PFKFB3: variants seen among roughly 807,000 people sequenced by gnomAD.
PFKFB3 encodes the protein 6-phosphofructo-2-kinase/fructose-2,6-bisphosphatase 3.
A neutral mutation model predicts 68.0 loss-of-function variants in PFKFB3; 33 were observed. That is an observed-to-expected ratio of 0.49 (90% CI 0.37 to 0.65). The LOEUF (loss-of-function observed/expected upper bound fraction) is 0.65. PFKFB3 is among the 30% of genes least tolerant of loss of function. The pLI is 0.00. For missense variants in PFKFB3, 586 were observed against 712.2 expected (o/e 0.82, Z 2.02); for synonymous variants, 315 against 288.2 (o/e 1.09, Z -0.94).
chr10:6,192,094 C>A (rs1312991084), intron 1 of PFKFB3, among the ~76,000 whole-genome samples: 2 of 150,728 alleles, frequency 1.3e-5, no homozygotes, highest in Non-Finnish European at 2.9e-5. Flanking sequence ...TGTGATTTGG[C>A]CTTCACTCCT....
At chr10:6,317,868 G>A in the PFKFB3 span, among the ~76,000 whole-genome samples, 3 of 152,334 alleles carry the variant, frequency 2.0e-5, no homozygotes, top group Non-Finnish European at 2.9e-5. Context: ...GCAATTGTGC[G>A]CAAAGACTGC....
At chr10:6,171,104 A>G (rs914957270) in intron 1 of PFKFB3, among the ~76,000 whole-genome samples, 1 of 152,024 alleles carries the variant, frequency 6.6e-6, no homozygotes, top group East Asian at 1.9e-4. Context: ...CAATGGTGCA[A>G]TGGCGTGTTC....
chr10:6,221,811 C>A, intron 10 of PFKFB3, 66 bp downstream of exon 10: 2 of 1,113,832 alleles, frequency 1.8e-6, no homozygotes, highest in South Asian at 1.4e-5. Context: ...CAGGGCTGGG[C>A]CACCCCTCCA....
intron 1 of PFKFB3, among the ~76,000 whole-genome samples, chr10:6,185,050 C>T (rs769906197): frequency 5.3e-5 from 8 of 152,150 alleles, no homozygotes; most frequent in Non-Finnish European, 1.2e-4. Flanking sequence ...TTATTGAAAC[C>T]CGACACAAAA....
At chr10:6,192,786 A>T (rs1843069346) in intron 1 of PFKFB3, among the ~76,000 whole-genome samples, 1 of 151,764 alleles carries the variant, frequency 6.6e-6, no homozygotes, top group Non-Finnish European at 1.5e-5. Context: ...GATCAGAGGG[A>T]ATCTATTCAG....
intron 1 of PFKFB3, among the ~76,000 whole-genome samples, chr10:6,167,325 T>C (rs1842174139): frequency 6.6e-6 from 1 of 152,242 alleles, no homozygotes; most frequent in Admixed American, 6.5e-5. Flanking sequence ...CTCATTCAGC[T>C]CTGCGGTCCT....
At chr10:6,226,546 T>C in intron 14 of PFKFB3, 181 bp downstream of exon 14, 2 of 589,052 alleles carry the variant, frequency 3.4e-6, no homozygotes, top group East Asian at 3.2e-5. Context: ...CACTCACGTG[T>C]TGAGGGAGAA....
intron 14 of PFKFB3, chr10:6,231,197 T>G (rs1380822932): frequency 1.7e-6 from 2 of 1,154,248 alleles, no homozygotes; most frequent in Non-Finnish European, 2.6e-6. Flanking sequence ...AAAATCCTAC[T>G]AAAGATTTTC....
the PFKFB3 span, among the ~76,000 whole-genome samples, chr10:6,321,088 A>G: frequency 6.6e-6 from 1 of 152,186 alleles, no homozygotes; most frequent in Non-Finnish European, 1.5e-5. Context: ...ATTTAAATGT[A>G]AAGTTGACCT....
downstream of PFKFB3, among the ~76,000 whole-genome samples, chr10:6,259,213 A>T (rs1319488198): frequency 2.0e-5 from 3 of 149,698 alleles, no homozygotes; most frequent in African/African-American, 7.5e-5. Flanking sequence ...CCATCCATCC[A>T]TCCATCCACC....
intron 1 of PFKFB3, among the ~76,000 whole-genome samples, chr10:6,177,592 C>G (rs868364600): frequency 2.0e-5 from 3 of 148,450 alleles, no homozygotes; most frequent in African/African-American, 7.5e-5. Context: ...ATGGTGCGAT[C>G]TCGGCTCACT....
At position 6,225,706 on chromosome 10, in the gene PFKFB3, A is replaced by T. The variant is rs573164820; in HGVS notation, c.1342-486A>T. ...TTTGCAGCCTCCGTGCCCCATCCTA[A>T]GCCAGGGTGCCCTTTGTGTAGTAGA... On this transcript the variant is annotated intron_variant, in intron 13 of 14. Transcript: ENST00000379775. Among the ~76,000 whole-genome samples the T allele has an allele frequency of 5.8e-5, 8 of 137,508 alleles. No individual in the cohort carries two copies. The East Asian group carries it at 1.4e-3, about 25-fold the overall frequency. 90.2% of individuals were successfully genotyped at this position (137,508 alleles called of 152,430 possible).
the PFKFB3 span, among the ~76,000 whole-genome samples, chr10:6,304,990 T>C: frequency 0.014 from 1,898 of 132,080 alleles, 45 homozygotes; most frequent in African/African-American, 0.052. Flanking sequence ...CTATTTTAAA[T>C]TAAAAATATT....
At chr10:6,167,354 G>C (rs115417203) in intron 1 of PFKFB3, among the ~76,000 whole-genome samples, 1 of 152,336 alleles carries the variant, frequency 6.6e-6, no homozygotes, top group African/African-American at 2.4e-5. Context: ...GTCTGATACT[G>C]AGTCTGTAGT....
downstream of PFKFB3, among the ~76,000 whole-genome samples, chr10:6,255,417 A>G (rs1846481630): frequency 6.6e-6 from 1 of 152,194 alleles, no homozygotes; most frequent in South Asian, 2.1e-4. Flanking sequence ...AGCCATCGCA[A>G]CTGGCCCAAC....
At chr10:6,156,145 G>A (rs1012346718) in intron 1 of PFKFB3, among the ~76,000 whole-genome samples, 6 of 151,800 alleles carry the variant, frequency 4.0e-5, no homozygotes, top group South Asian at 4.2e-4. Flanking sequence ...GTGTGTGTGT[G>A]TGTGTGTGTG....
At chr10:6,243,978 A>G (rs1024884363) in intron 14 of PFKFB3, among the ~76,000 whole-genome samples, 11 of 150,118 alleles carry the variant, frequency 7.3e-5, no homozygotes, top group African/African-American at 2.5e-4. Flanking sequence ...TCCCACCTCA[A>G]CCTCCCGAGT....
rs760104468 is a variant in PFKFB3, at chr10:6,226,234, G to A, written c.1384G>A (p.Val462Ile). ...TAACCCGCTCATGAGACGCAATAGT[G>A]TCACCCCGCTAGCCAGCCCCGAACC... ...GPNPLMRRNS[V>I]TPLASPEPTK... Residue 462 changes from valine (V) to isoleucine (I), a missense_variant, in exon 14 of 15, where the codon GTC becomes ATC. Transcript: ENST00000379775. 1 of 1,613,464 alleles carries A rather than the reference G, an allele frequency of 6.2e-7. No homozygotes were observed. Among genetic ancestry groups the A allele is most frequent in the Non-Finnish European group, 8.5e-7 (1 of 1,179,712 alleles).
chr10:6,298,504 C>T, the PFKFB3 span, among the ~76,000 whole-genome samples: 11 of 152,126 alleles, frequency 7.2e-5, no homozygotes, highest in South Asian at 2.1e-4. Flanking sequence ...TCCCTAGTAG[C>T]GAGGACTATA....
Sources: gnomAD v4.1 joint callset for allele counts (sites outside exome capture counted in the v4.1 genomes callset) on GRCh38, gnomAD v4.1.1 for gene constraint, MANE v1.5 for transcripts, NCBI Gene and HGNC (gene_info 2026-07-23, HGNC 2026-07-21) for gene names.